The following LAMA2 variants were observed in gnomAD, a reference collection of about 807,000 sequenced individuals.
LAMA2 encodes the protein laminin subunit alpha-2.
In LAMA2, 269 loss-of-function variants were observed where a neutral mutation model predicts 364.8. That is an observed-to-expected ratio of 0.74 (90% CI 0.67 to 0.82). The LOEUF is 0.82. Ranked by LOEUF, LAMA2 falls within the 40% of genes least tolerant of loss-of-function variation. The pLI, the probability that LAMA2 is intolerant of heterozygous loss-of-function variation, is 0.00. For synonymous variants in LAMA2, 1,379 were observed against 1,370.6 expected (o/e 1.01, Z -0.14); for missense variants, 3,807 against 3,873.2 (o/e 0.98, Z 0.45).
Position 129,281,933 on chromosome 6 carries a change from A to G in LAMA2, c.2537+1786A>G, listed in dbSNP as rs1037806313. Among the ~76,000 whole-genome samples, 36 of 152,182 alleles carry G rather than the reference A, an allele frequency of 2.4e-4. 1 individual carries two copies. The highest frequency in any genetic ancestry group is 2.1e-3 in the Admixed American group (32 of 15,280). On this transcript the variant is annotated intron_variant, in intron 18 of 64. Coordinates refer to ENST00000421865, the MANE Select transcript of LAMA2 (RefSeq NM_000426.4). Reference sequence around the variant, plus strand: ...AAAGAACACCTTAGATAGATCTAAAATATGAGGGAAACATTTTTTGTTTGA... The same window carrying G: ...AAAGAACACCTTAGATAGATCTAAAGTATGAGGGAAACATTTTTTGTTTGA...
At chr6:129,439,066 A>C (rs1583751387) in intron 42 of LAMA2, among the ~76,000 whole-genome samples, 2 of 145,924 alleles carry the variant, frequency 1.4e-5, no homozygotes, top group African/African-American at 5.0e-5. Context: ...TGGTTCCAGG[A>C]CCCCCCCCCA....
chr6:128,977,791 A>G (rs1056433187), intron 1 of LAMA2, among the ~76,000 whole-genome samples: 2 of 152,196 alleles, frequency 1.3e-5, no homozygotes, highest in African/African-American at 4.8e-5. Flanking sequence ...CACTGTTTTG[A>G]TAAATAATCT....
chr6:129,226,341 G>T (rs1170348481), intron 12 of LAMA2, among the ~76,000 whole-genome samples: 3 of 152,020 alleles, frequency 2.0e-5, no homozygotes, highest in Non-Finnish European at 2.9e-5. Flanking sequence ...TACGTTTAAG[G>T]TTAATATTAT....
At chr6:128,943,528 A>G (rs1284021599) in intron 1 of LAMA2, among the ~76,000 whole-genome samples, 1 of 151,782 alleles carries the variant, frequency 6.6e-6, no homozygotes, top group East Asian at 1.9e-4. Flanking sequence ...CTGGACCTCC[A>G]GCAATTCTCC....
chr6:129,047,693 G>A (rs1203237390), intron 1 of LAMA2, among the ~76,000 whole-genome samples: 5 of 152,088 alleles, frequency 3.3e-5, no homozygotes, highest in Non-Finnish European at 1.5e-5. Flanking sequence ...GAATTTTTTG[G>A]AGTGATTACA....
chr6:129,148,201 C>A (rs965046621), intron 6 of LAMA2, among the ~76,000 whole-genome samples: 1 of 152,058 alleles, frequency 6.6e-6, no homozygotes, highest in African/African-American at 2.4e-5. Context: ...ATGTCCTTTG[C>A]AGGGACATGG....
intron 29 of LAMA2, among the ~76,000 whole-genome samples, chr6:129,334,065 C>G (rs898493025): frequency 6.6e-6 from 1 of 152,158 alleles, no homozygotes; most frequent in Non-Finnish European, 1.5e-5. Context: ...TTAGGCAACT[C>G]TGTTCATCTT....
intron 1 of LAMA2, among the ~76,000 whole-genome samples, chr6:129,048,726 T>C (rs1448901255): frequency 6.6e-6 from 1 of 151,598 alleles, no homozygotes; most frequent in Non-Finnish European, 1.5e-5. Flanking sequence ...GCAATTCTCC[T>C]GCCTCAGGTT....
intron 4 of LAMA2, among the ~76,000 whole-genome samples, chr6:129,105,850 A>T (rs565048168): frequency 1.3e-5 from 2 of 152,302 alleles, no homozygotes; most frequent in African/African-American, 4.8e-5. Flanking sequence ...AATTAAAATT[A>T]TAATATTTTT....
At chr6:128,946,172 C>T (rs146251772) in intron 1 of LAMA2, among the ~76,000 whole-genome samples, 14 of 152,246 alleles carry the variant, frequency 9.2e-5, no homozygotes, top group East Asian at 5.8e-4. Context: ...TAAGTCACTA[C>T]GTTTGTGATA....
At chr6:128,978,635 A>C (rs1169697883) in intron 1 of LAMA2, among the ~76,000 whole-genome samples, 1 of 152,158 alleles carries the variant, frequency 6.6e-6, no homozygotes, top group Admixed American at 6.5e-5. Flanking sequence ...CCTTCTCTAA[A>C]GGCACTTGCT....
intron 28 of LAMA2, among the ~76,000 whole-genome samples, chr6:129,325,732 C>T (rs921013827): frequency 2.6e-5 from 4 of 152,130 alleles, no homozygotes; most frequent in African/African-American, 9.7e-5. Context: ...GATGAGGAAA[C>T]TGGGTCTCAA....
At chr6:129,392,942 T>G (rs1458086578) in intron 36 of LAMA2, 103 bp from the exon 37 acceptor site, 1 of 930,614 alleles carries the variant, frequency 1.1e-6, no homozygotes, top group Non-Finnish European at 1.7e-6. Context: ...TATTTTCTCA[T>G]TCTTTTCATG....
At position 128,929,051 on chromosome 6, in the gene LAMA2, T is replaced by C. The variant is rs1779277158; in HGVS notation, c.112+45694T>C. ...CAAGAAGCCAATGGTATCCTCTAGC[T>C]GTGGATAGTGGCTAATGTGGTCATC... On this transcript the variant is annotated intron_variant, in intron 1 of 64. Coordinates refer to ENST00000421865, the MANE Select transcript of LAMA2 (RefSeq NM_000426.4). 1.2e-5 allele frequency: 17 copies of C among 1,444,616 alleles called. No homozygotes were observed. The South Asian group carries it at 1.9e-4, about 17-fold the overall frequency. 89.5% of individuals were successfully genotyped at this position (1,444,616 alleles called of 1,614,324 possible).
intron 3 of LAMA2, among the ~76,000 whole-genome samples, chr6:129,078,771 C>T (rs1041540099): frequency 2.6e-5 from 4 of 152,138 alleles, no homozygotes; most frequent in Non-Finnish European, 5.9e-5. Context: ...ATTTGAAATA[C>T]TGCACCCATT....
chr6:129,483,543 A>G (rs1004735667), intron 55 of LAMA2, among the ~76,000 whole-genome samples: 1 of 152,176 alleles, frequency 6.6e-6, no homozygotes, highest in African/African-American at 2.4e-5. Context: ...TAAAGACTCA[A>G]TATTAAAAAT....
chr6:129,430,390 C>T (rs528299914), intron 41 of LAMA2, among the ~76,000 whole-genome samples: 1 of 152,338 alleles, frequency 6.6e-6, no homozygotes, highest in East Asian at 1.9e-4. Flanking sequence ...CTTAGTACTG[C>T]TCCCTGCCAT....
chr6:129,138,982 C>T (rs146887477), intron 4 of LAMA2, among the ~76,000 whole-genome samples: 1 of 152,182 alleles, frequency 6.6e-6, no homozygotes, highest in African/African-American at 2.4e-5. Context: ...TCCTGGAAGT[C>T]AGTGGAGTAA....
At chr6:129,325,166 A>AT (rs1775198713) in intron 28 of LAMA2, among the ~76,000 whole-genome samples, 1 of 152,136 alleles carries the variant, frequency 6.6e-6, no homozygotes, top group Non-Finnish European at 1.5e-5. Flanking sequence ...ATTTAATCTA[A>AT]TTTTTTGATG....
Sources: allele counts gnomAD v4.1 joint callset (sites outside exome capture counted in the v4.1 genomes callset), GRCh38; gene constraint gnomAD v4.1.1; transcripts MANE v1.5; gene names NCBI Gene and HGNC (gene_info 2026-07-23, HGNC 2026-07-21).